Variants in AHI1 observed in about 807,000 individuals in gnomAD.
The protein encoded by AHI1 is Abelson helper integration site 1.
In AHI1, 123 loss-of-function variants were observed where a neutral mutation model predicts 149.3. That is an observed-to-expected ratio of 0.82 (90% CI 0.71 to 0.96). AHI1 has a LOEUF of 0.96. AHI1 is among the 40% of genes least tolerant of loss of function. The pLI, the probability that AHI1 is intolerant of heterozygous loss-of-function variation, is 0.00. For synonymous variants in AHI1, 475 were observed against 459.8 expected (o/e 1.03, Z -0.42); for missense variants, 1,439 against 1,422.7 (o/e 1.01, Z -0.18).
chr6:135,355,387 C>T (rs995956439), intron 24 of AHI1, among the ~76,000 whole-genome samples: 8 of 150,598 alleles, frequency 5.3e-5, no homozygotes, highest in Admixed American at 1.3e-4. Flanking sequence ...AATCAAAGTT[C>T]ATGTAGTAAA....
In AHI1 at chr6:135,428,638, G is replaced by T. The variant is rs1784233788; in HGVS notation, c.2614C>A (p.Pro872Thr). ...TTCAATAAACATTCACCTGTTTCTG[G>T]GTTCCAAACATACACTATACCATCC... ...SEDGIVYVWN[P>T]ETGEQVAMYS... Residue 872 changes from proline to threonine, a missense_variant, in exon 19 of 29, where the codon CCA becomes ACA. By Grantham distance (38) the Pro-to-Thr change is conservative. Coordinates refer to ENST00000265602, the MANE Select transcript of AHI1 (RefSeq NM_001134831.2). 1.9e-6 allele frequency: 3 copies of T among 1,597,316 alleles called. No individual in the cohort carries two copies. The highest frequency in any genetic ancestry group is 2.6e-6 in the Non-Finnish European group (3 of 1,171,162).
chr6:135,394,565 C>T, intron 23 of AHI1: 1 of 574,440 alleles, frequency 1.7e-6, no homozygotes, highest in South Asian at 2.0e-5. Context: ...GTTAATAGCA[C>T]ATAGGTTCAG....
chr6:135,477,433 A>G (rs1382009590), intron 5 of AHI1, among the ~76,000 whole-genome samples: 1 of 152,156 alleles, frequency 6.6e-6, no homozygotes, highest in Non-Finnish European at 1.5e-5. Flanking sequence ...AAACAAATTT[A>G]TGAAGACTCT....
At chr6:135,475,906 T>A (rs1792547710) in intron 5 of AHI1, among the ~76,000 whole-genome samples, 1 of 152,346 alleles carries the variant, frequency 6.6e-6, no homozygotes, top group East Asian at 1.9e-4. Context: ...CCAACACATA[T>A]GATAACCAAT....
chr6:135,492,159 A>G, intron 4 of AHI1, 69 bp downstream of exon 4: 1 of 1,276,670 alleles, frequency 7.8e-7, no homozygotes, highest in Non-Finnish European at 1.1e-6. Flanking sequence ...GAATCCCTTA[A>G]AATAAACCAA....
At chr6:135,474,329 GC>G (rs1250378973) in intron 5 of AHI1, among the ~76,000 whole-genome samples, 7 of 152,038 alleles carry the variant, frequency 4.6e-5, no homozygotes, top group Non-Finnish European at 7.4e-5. Flanking sequence ...TGTAAAAATT[GC>G]ATTACCGCAT....
In AHI1 at chr6:135,466,329, T is replaced by G. The variant is rs746647225; in HGVS notation, c.234A>C (p.Thr78=). The change falls in exon 7 of 29, where the codon ACA becomes ACC. Residue 78 remains threonine, a synonymous_variant. Transcript: ENST00000265602. ...TGTTAGCAGCACTTACATCATCACT[T>G]GTAGTTTCTTTAATATGGGGAAGAT... ...RSNLPHIKET[T]SDDVSAANTN... 2 of 1,613,910 alleles carry G rather than the reference T, an allele frequency of 1.2e-6. No individual in the cohort carries two copies. The highest frequency in any genetic ancestry group is 1.7e-5 in the Admixed American group (1 of 60,022).
At chr6:135,442,815 T>C (rs1418725126) in intron 13 of AHI1, 101 bp from the exon 14 acceptor site, 2 of 1,123,866 alleles carry the variant, frequency 1.8e-6, no homozygotes, top group Non-Finnish European at 2.4e-6. Flanking sequence ...CCTTTTATGA[T>C]GCAGAGAAAG....
chr6:135,315,115 C>T (rs1785748524), intron 26 of AHI1, among the ~76,000 whole-genome samples: 1 of 152,094 alleles, frequency 6.6e-6, no homozygotes, highest in African/African-American at 2.4e-5. Flanking sequence ...CATCAGTTTC[C>T]TCTTCATCCT....
chr6:135,377,548 A>G (rs1776129577), intron 23 of AHI1, among the ~76,000 whole-genome samples: 1 of 151,858 alleles, frequency 6.6e-6, no homozygotes, highest in Non-Finnish European at 1.5e-5. Context: ...CGGCATAATC[A>G]TGGCTCACTG....
chr6:135,303,003 C>T (rs190935807), intron 26 of AHI1, among the ~76,000 whole-genome samples: 68 of 152,146 alleles, frequency 4.5e-4, no homozygotes, highest in African/African-American at 7.0e-4. Flanking sequence ...AGAGGAAAAA[C>T]GAGCAAAGAA....
At chr6:135,313,455 T>G (rs566338487) in intron 26 of AHI1, among the ~76,000 whole-genome samples, 1 of 152,280 alleles carries the variant, frequency 6.6e-6, no homozygotes, top group African/African-American at 2.4e-5. Flanking sequence ...TTTACATGAC[T>G]CTAAATTCCT....
At chr6:135,346,084 A>G (rs1791155598) in intron 24 of AHI1, among the ~76,000 whole-genome samples, 2 of 152,254 alleles carry the variant, frequency 1.3e-5, no homozygotes, top group Admixed American at 6.5e-5. Context: ...AGTATTGCTC[A>G]TAAGACCAAA....
In AHI1 at chr6:135,457,851, A is replaced by G. The variant is rs993391428; in HGVS notation, c.932-138T>C. The G allele has an allele frequency of 6.3e-5, 45 of 711,234 alleles. No homozygotes were observed. In the African/African-American group the frequency reaches 6.6e-4, roughly 10 times the overall value. 44.1% of individuals were successfully genotyped at this position (711,234 alleles called of 1,614,324 possible). ...CAGGGGGAAAGAAAGAAAAAGCCAG[A>G]CAACAGCAAACCATAGTGTGAAAGT... On this transcript the variant is annotated intron_variant, in intron 8 of 28. Transcript: ENST00000265602.
At chr6:135,452,814 TA>T (rs1788336802) in intron 11 of AHI1, among the ~76,000 whole-genome samples, 1 of 152,142 alleles carries the variant, frequency 6.6e-6, no homozygotes, top group Admixed American at 6.6e-5. Flanking sequence ...GCATATATTG[TA>T]CCCTCTACCA....
chr6:135,478,130 C>T (rs1004670261), intron 5 of AHI1, among the ~76,000 whole-genome samples: 5 of 152,030 alleles, frequency 3.3e-5, no homozygotes, highest in African/African-American at 4.8e-5. Context: ...AGTGTGAGAA[C>T]GGACTAATAT....
At chr6:135,347,701 G>T (rs1340598381) in intron 24 of AHI1, among the ~76,000 whole-genome samples, 2 of 152,108 alleles carry the variant, frequency 1.3e-5, no homozygotes, top group African/African-American at 2.4e-5. Context: ...ATAGAGGAAA[G>T]GTGTTTTGTA....
intron 15 of AHI1, 139 bp from the exon 16 acceptor site, chr6:135,433,395 T>C (rs1180076852): frequency 3.3e-6 from 2 of 607,184 alleles, no homozygotes; most frequent in Admixed American, 3.0e-5. Flanking sequence ...TTTAAAACAA[T>C]GAAAAATATA....
At chr6:135,435,671 G>A (rs1432230452) in intron 15 of AHI1, among the ~76,000 whole-genome samples, 2 of 152,194 alleles carry the variant, frequency 1.3e-5, no homozygotes, top group African/African-American at 2.4e-5. Context: ...AATGGGTAAA[G>A]TCTTTTAAAA....
Sources: gnomAD v4.1 joint callset for allele counts (sites outside exome capture counted in the v4.1 genomes callset) on GRCh38, gnomAD v4.1.1 for gene constraint, MANE v1.5 for transcripts, NCBI Gene and HGNC (gene_info 2026-07-23, HGNC 2026-07-21) for gene names.